DKK2: variants seen among roughly 807,000 people sequenced by gnomAD.
The protein encoded by DKK2 is dickkopf-related protein 2.
A neutral mutation model predicts 28.1 loss-of-function variants in DKK2; 11 were observed. The ratio of observed to expected loss-of-function variants is 0.39; its 90% CI spans 0.25 to 0.65. DKK2 has a LOEUF of 0.65. DKK2 is among the 30% of genes least tolerant of loss of function. The pLI is 0.47. For missense variants in DKK2, 326 were observed against 335.5 expected, an observed-to-expected ratio of 0.97 and a Z score of 0.22; for synonymous variants, 135 against 126.5, an observed-to-expected ratio of 1.07 and a Z score of -0.45.
intron 1 of DKK2, among the ~76,000 whole-genome samples, chr4:107,028,076 G>A (rs1723817725): frequency 6.6e-6 from 1 of 152,016 alleles, no homozygotes; most frequent in South Asian, 2.1e-4. Context: ...AACATCTGAG[G>A]TACCATTGTT....
intron 1 of DKK2, among the ~76,000 whole-genome samples, chr4:107,005,352 A>C (rs912464590): frequency 6.6e-6 from 1 of 151,626 alleles, no homozygotes; most frequent in Non-Finnish European, 1.5e-5. Flanking sequence ...AAAAAAAAAA[A>C]AAAAAAAAAC....
At chr4:107,003,842 A>C (rs1266235919) in intron 1 of DKK2, among the ~76,000 whole-genome samples, 2 of 152,242 alleles carry the variant, frequency 1.3e-5, no homozygotes, top group Non-Finnish European at 2.9e-5. Flanking sequence ...CATTGTAATA[A>C]GATCCCCAGG....
At chr4:107,035,289 A>G (rs73837553) in intron 1 of DKK2, 81 bp downstream of exon 1, 82,319 of 1,500,076 alleles carry the variant, frequency 0.055, 2,650 homozygotes, top group South Asian at 0.098. Context: ...GAATGTTGCA[A>G]GATGCAATGG....
intron 1 of DKK2, among the ~76,000 whole-genome samples, chr4:106,938,190 T>C (rs1724630218): frequency 6.7e-6 from 1 of 148,846 alleles, no homozygotes; most frequent in Non-Finnish European, 1.5e-5. Context: ...GCTGGTTTTT[T>C]GAAAGGATCA....
chr4:107,021,323 C>T (rs1723688260), intron 1 of DKK2, among the ~76,000 whole-genome samples: 1 of 151,914 alleles, frequency 6.6e-6, no homozygotes, highest in African/African-American at 2.4e-5. Context: ...GCCCTAAAGT[C>T]ATGGCCTAAA....
intron 1 of DKK2, among the ~76,000 whole-genome samples, chr4:107,007,681 T>G (rs1381254477): frequency 6.6e-6 from 1 of 152,156 alleles, no homozygotes; most frequent in Non-Finnish European, 1.5e-5. Flanking sequence ...GATATCAGTG[T>G]GGCTTCACAC....
At chr4:106,994,423 ATCTC>A (rs1460445354) in intron 1 of DKK2, among the ~76,000 whole-genome samples, 1 of 150,792 alleles carries the variant, frequency 6.6e-6, no homozygotes, top group Non-Finnish European at 1.5e-5. Context: ...TTTCAGAACA[ATCTC>A]TCTGTCTCTC....
At chr4:106,956,781 C>T (rs1014446441) in intron 1 of DKK2, among the ~76,000 whole-genome samples, 10 of 151,536 alleles carry the variant, frequency 6.6e-5, no homozygotes, top group African/African-American at 2.2e-4. Flanking sequence ...AAACATTAGA[C>T]CTAAAACCAT....
intron 1 of DKK2, among the ~76,000 whole-genome samples, chr4:106,968,834 G>A (rs1722821056): frequency 6.6e-6 from 1 of 152,062 alleles, no homozygotes; most frequent in Admixed American, 6.6e-5. Context: ...TTCAGGTCAA[G>A]AGGAAAGCAG....
chr4:106,961,091 A>G (rs2110350341), intron 1 of DKK2, among the ~76,000 whole-genome samples: 1 of 152,256 alleles, frequency 6.6e-6, no homozygotes, highest in South Asian at 2.1e-4. Context: ...ATTGCTTTTA[A>G]ATAGGCATCT....
At position 106,922,500 on chromosome 4, in the gene DKK2, C is replaced by T. The variant is rs145501898; in HGVS notation, c.*1454G>A. On this transcript the variant is annotated 3_prime_UTR_variant, in exon 4 of 4. Coordinates refer to ENST00000285311, the MANE Select transcript of DKK2 (RefSeq NM_014421.3). ...AGTTATCCTACTTATATTTTTTAAC[C>T]GCAATGGCTGCAGAAAACCGAAACT... is the stretch of plus-strand genomic sequence containing the variant. 5 of 152,092 alleles carry T rather than the reference C, an allele frequency of 3.3e-5. No individual in the cohort carries two copies. The highest frequency in any genetic ancestry group is 6.6e-5 in the Admixed American group (1 of 15,248). 9.4% of individuals were successfully genotyped at this position (152,092 alleles called of 1,614,324 possible).
intron 1 of DKK2, among the ~76,000 whole-genome samples, chr4:107,030,893 T>C (rs1723866154): frequency 6.6e-6 from 1 of 151,960 alleles, no homozygotes; most frequent in African/African-American, 2.4e-5. Flanking sequence ...TTTCAAAATA[T>C]CTTGGAAAGG....
At chr4:106,944,267 T>G (rs1426916257) in intron 1 of DKK2, among the ~76,000 whole-genome samples, 1 of 152,074 alleles carries the variant, frequency 6.6e-6, no homozygotes, top group Non-Finnish European at 1.5e-5. Flanking sequence ...GTCTAACTTG[T>G]TTATGATCCT....
intron 1 of DKK2, among the ~76,000 whole-genome samples, chr4:106,935,686 G>A (rs1032625396): frequency 6.6e-6 from 1 of 152,184 alleles, no homozygotes; most frequent in Non-Finnish European, 1.5e-5. Flanking sequence ...CAAAGAGACA[G>A]CAGTAACCTC....
At chr4:106,935,333 C>T (rs953014481) in intron 1 of DKK2, among the ~76,000 whole-genome samples, 34 of 152,330 alleles carry the variant, frequency 2.2e-4, no homozygotes, top group Middle Eastern at 3.4e-3. Flanking sequence ...GTTCCCTTTC[C>T]GAGTCAAAGA....
intron 1 of DKK2, among the ~76,000 whole-genome samples, chr4:106,935,447 C>A (rs1025839791): frequency 6.6e-6 from 1 of 152,250 alleles, no homozygotes; most frequent in African/African-American, 2.4e-5. Flanking sequence ...ATATCCCACA[C>A]CTGGCTCGGA....
At chr4:106,963,653 T>C (rs926993668) in intron 1 of DKK2, among the ~76,000 whole-genome samples, 7 of 152,010 alleles carry the variant, frequency 4.6e-5, no homozygotes, top group African/African-American at 1.7e-4. Flanking sequence ...AATAAAACTA[T>C]ATGATCCAGT....
Position 107,035,360 on chromosome 4 carries a change from G to A in DKK2, c.222+10C>T. 1 of 1,614,014 alleles carries A rather than the reference G, an allele frequency of 6.2e-7. No individual in the cohort carries two copies. Among genetic ancestry groups the A allele is most frequent in the Non-Finnish European group, 8.5e-7 (1 of 1,179,890 alleles). On this transcript the variant is annotated intron_variant, in intron 1 of 3. Coordinates refer to ENST00000285311, the MANE Select transcript of DKK2 (RefSeq NM_014421.3). ...TTCTGTCTGAAGAATGTGTTTGGGG[G>A]TTTTCCTACCTGCCCCAGGTTTTTG... is the stretch of plus-strand genomic sequence containing the variant.
intron 1 of DKK2, among the ~76,000 whole-genome samples, chr4:106,969,308 T>C (rs972432169): frequency 5.3e-5 from 8 of 151,278 alleles, no homozygotes; most frequent in Non-Finnish European, 1.2e-4. Flanking sequence ...TCTCACATAC[T>C]CAGGGCTCAT....
Sources: gnomAD v4.1 joint callset for allele counts (sites outside exome capture counted in the v4.1 genomes callset) on GRCh38, gnomAD v4.1.1 for gene constraint, MANE v1.5 for transcripts, NCBI Gene and HGNC (gene_info 2026-07-23, HGNC 2026-07-21) for gene names.